The following EPB41L5 variants were observed in gnomAD, a reference collection of about 807,000 sequenced individuals.
EPB41L5 encodes band 4.1-like protein 5.
Under a neutral mutation model 106.6 loss-of-function variants are expected in EPB41L5, and 55 were observed. That is an observed-to-expected ratio of 0.52 (90% CI 0.42 to 0.65). EPB41L5 has a LOEUF of 0.65. EPB41L5 is among the 30% of genes least tolerant of loss of function. EPB41L5 has a pLI of 0.00. For missense variants in EPB41L5, 871 were observed against 882.1 expected, an observed-to-expected ratio of 0.99 and a Z score of 0.16; for synonymous variants, 297 against 306.7, an observed-to-expected ratio of 0.97 and a Z score of 0.33.
At chr2:120,072,448 A>T (rs1681934763) in intron 3 of EPB41L5, among the ~76,000 whole-genome samples, 1 of 152,226 alleles carries the variant, frequency 6.6e-6, no homozygotes, top group Admixed American at 6.5e-5. Flanking sequence ...CCAAAGGATT[A>T]TAAGTCATTC....
chr2:120,046,936 G>A (rs1448863324), intron 3 of EPB41L5, among the ~76,000 whole-genome samples: 1 of 152,026 alleles, frequency 6.6e-6, no homozygotes, highest in East Asian at 1.9e-4. Context: ...CCTATTTCTT[G>A]TTTTTCTCAG....
chr2:120,140,286 AAAT>A (rs1008592899), intron 18 of EPB41L5, among the ~76,000 whole-genome samples: 10 of 152,000 alleles, frequency 6.6e-5, no homozygotes, highest in Non-Finnish European at 1.2e-4. Context: ...GTACATTTAA[AAAT>A]AACGGTATAA....
chr2:120,083,650 G>A (rs1320395924), intron 10 of EPB41L5, among the ~76,000 whole-genome samples: 3 of 152,080 alleles, frequency 2.0e-5, no homozygotes, highest in Non-Finnish European at 4.4e-5. Flanking sequence ...TTCAATTCCT[G>A]GATATCCTTG....
At chr2:120,165,111 CAT>C (rs781442877) in intron 22 of EPB41L5, among the ~76,000 whole-genome samples, 14 of 152,202 alleles carry the variant, frequency 9.2e-5, no homozygotes, top group African/African-American at 1.2e-4. Flanking sequence ...CTACAAATCA[CAT>C]GTCTCTATAA....
intron 10 of EPB41L5, among the ~76,000 whole-genome samples, chr2:120,080,237 T>G (rs1574614309): frequency 6.6e-6 from 1 of 152,058 alleles, no homozygotes; most frequent in East Asian, 1.9e-4. Flanking sequence ...TAGGTATATC[T>G]CCTAATGCTA....
Position 120,028,107 on chromosome 2 carries a change from A to G in EPB41L5, c.180+8843A>G, listed in dbSNP as rs866927730. ...TTGAACTCCTGCCCTCAGGTGATCC[A>G]CCCGCCTCGGCCTCCCAAAGTGCTG... On this transcript the variant is annotated intron_variant, in intron 2 of 24. Coordinates refer to ENST00000263713, the MANE Select transcript of EPB41L5 (RefSeq NM_020909.4). Among the ~76,000 whole-genome samples the G allele has an allele frequency of 7.7e-3, 1,165 of 151,426 alleles. 12 individuals are homozygous for G. The highest frequency in any genetic ancestry group is 0.027 in the African/African-American group (1,105 of 41,320).
At chr2:120,058,879 C>T (rs1680840534) in intron 3 of EPB41L5, among the ~76,000 whole-genome samples, 1 of 152,102 alleles carries the variant, frequency 6.6e-6, no homozygotes, top group Non-Finnish European at 1.5e-5. Flanking sequence ...CCAGTTCTCC[C>T]CAAATTGATA....
chr2:120,058,266 G>A (rs1216416023), intron 3 of EPB41L5, among the ~76,000 whole-genome samples: 1 of 152,050 alleles, frequency 6.6e-6, no homozygotes, highest in Non-Finnish European at 1.5e-5. Context: ...GCTCACTGTA[G>A]CCTTGATCCC....
intron 3 of EPB41L5, among the ~76,000 whole-genome samples, chr2:120,066,936 T>C (rs1468535545): frequency 6.6e-6 from 1 of 152,206 alleles, no homozygotes; most frequent in Non-Finnish European, 1.5e-5. Flanking sequence ...TTTACTGCTG[T>C]AGGTTGAAGA....
chr2:120,137,490 CAAAT>C (rs1353944307), intron 18 of EPB41L5, among the ~76,000 whole-genome samples: 3 of 151,692 alleles, frequency 2.0e-5, no homozygotes, highest in South Asian at 2.1e-4. Flanking sequence ...AGAGAAGACT[CAAAT>C]AAATAAAATT....
At chr2:120,063,924 G>C (rs1338179564) in intron 3 of EPB41L5, among the ~76,000 whole-genome samples, 1 of 151,436 alleles carries the variant, frequency 6.6e-6, no homozygotes, top group East Asian at 1.9e-4. Context: ...CCTGGGTGAC[G>C]AGAGTGAAAC....
At chr2:120,157,034 G>A (rs1387020942) in intron 20 of EPB41L5, among the ~76,000 whole-genome samples, 2 of 152,008 alleles carry the variant, frequency 1.3e-5, no homozygotes, top group Non-Finnish European at 2.9e-5. Context: ...TTACATAATC[G>A]AACATAGAGT....
Position 120,075,745 on chromosome 2 carries a change from A to G in EPB41L5, c.497A>G (p.Asn166Ser), listed in dbSNP as rs1574602696. ...ACAGCAGTGCAATTGGCAGCTTATA[A>G]TCTGCAAGGTAAGCAATTCTTATGT... The part of the protein sequence containing the change: ...FDTAVQLAAY[N>S]LQAELGDYDL... Residue 166 changes from asparagine (N) to serine (S), a missense_variant, in exon 7 of 25, where the codon AAT becomes AGT. Asn to Ser is a conservative substitution (Grantham distance 46). Coordinates refer to ENST00000263713, the MANE Select transcript of EPB41L5 (RefSeq NM_020909.4). 2 of 1,612,964 alleles carry G rather than the reference A, an allele frequency of 1.2e-6. No homozygotes were observed. Among genetic ancestry groups the G allele is most frequent in the South Asian group, 2.2e-5 (2 of 91,044 alleles).
rs1682317494 is a variant in EPB41L5 at position 120,077,336 on chromosome 2, G to A, written c.714+20G>A. ...GTCAAGGTAAGCATTGTGTTGTGAT[G>A]CTTTTTTAAAAATTTATTCTTTGGA... On this transcript the variant is annotated intron_variant, in intron 9 of 24. Transcript: ENST00000263713. 2 of 1,590,096 alleles carry A rather than the reference G, an allele frequency of 1.3e-6. No individual in the cohort carries two copies. Among genetic ancestry groups the A allele is most frequent in the Non-Finnish European group, 1.7e-6 (2 of 1,167,166 alleles).
At chr2:120,078,639 TA>T in intron 10 of EPB41L5, 58 bp downstream of exon 10, 3 of 1,126,494 alleles carry the variant, frequency 2.7e-6, no homozygotes, top group Non-Finnish European at 3.9e-6. Flanking sequence ...AATGAGTAAA[TA>T]AAGTTAATAC....
At chr2:120,104,291 T>G (rs1305772334) in intron 16 of EPB41L5, 40 of 1,505,518 alleles carry the variant, frequency 2.7e-5, no homozygotes, top group Non-Finnish European at 3.4e-5. Context: ...GTTGATGGTA[T>G]ACATTATCTG....
chr2:120,069,128 C>CAAAAAAAAAAAAAAAAAA (rs539813602), intron 3 of EPB41L5, among the ~76,000 whole-genome samples: 3 of 79,556 alleles, frequency 3.8e-5, no homozygotes, highest in African/African-American at 1.2e-4. Flanking sequence ...AACTCTGTCT[C>CAAAAAAAAAAAAAAAAAA]AAAAAAAAAA....
intron 14 of EPB41L5, among the ~76,000 whole-genome samples, chr2:120,094,493 ACTAGT>A (rs1254554317): frequency 1.3e-5 from 2 of 150,426 alleles, no homozygotes; most frequent in Admixed American, 6.6e-5. Flanking sequence ...AAAAAAAAAA[ACTAGT>A]CTAGCAAAAG....
intron 10 of EPB41L5, among the ~76,000 whole-genome samples, chr2:120,082,149 G>T (rs1463463533): frequency 3.3e-5 from 5 of 152,140 alleles, no homozygotes; most frequent in African/African-American, 1.2e-4. Context: ...ACACTATGTT[G>T]AATAGGAGTG....
Sources: gnomAD v4.1 joint callset for allele counts (sites outside exome capture counted in the v4.1 genomes callset) on GRCh38, gnomAD v4.1.1 for gene constraint, MANE v1.5 for transcripts, NCBI Gene and HGNC (gene_info 2026-07-23, HGNC 2026-07-21) for gene names.